Variants in CA5B observed in about 807,000 individuals in gnomAD.
The protein encoded by CA5B is carbonic anhydrase 5B, also known as carbonic anhydrase 5B, mitochondrial.
A neutral mutation model predicts 23.1 loss-of-function variants in CA5B; 15 were observed. That is an observed-to-expected ratio of 0.65 (90% CI 0.43 to 1.00). CA5B has a LOEUF of 1.00. Ranked by LOEUF, CA5B falls within the 50% of genes least tolerant of loss-of-function variation. The pLI, the probability that CA5B is intolerant of heterozygous loss-of-function variation, is 0.00. For synonymous variants in CA5B, 84 were observed against 98.5 expected (o/e 0.85, Z 0.87); for missense variants, 236 against 252.2 (o/e 0.94, Z 0.43).
chrX:15,770,104 A>G (rs922257816), intron 3 of CA5B, among the ~76,000 whole-genome samples: 1 of 111,352 alleles, frequency 9.0e-6, no homozygotes, highest in African/African-American at 3.3e-5. Flanking sequence ...ACTTGAGGTC[A>G]GGAGTTCGAG....
In CA5B at chrX:15,776,860, T is replaced by C; in HGVS notation, c.765T>C (p.Asp255=). 1.7e-6 allele frequency: 2 copies of C among 1,207,417 alleles called. No homozygotes were observed. The highest frequency in any genetic ancestry group is 2.2e-6 in the Non-Finnish European group (2 of 891,849). Residue 255 remains aspartate, a synonymous_variant, in exon 7 of 8, where the codon GAT becomes GAC. Transcript: ENST00000318636. ...TTAAGAAGCAACCAGTAGAGGTTGATCATGATCAGGTATGTTCTCTCCATA... is the reference window on the plus strand; with the variant it reads ...TTAAGAAGCAACCAGTAGAGGTTGACCATGATCAGGTATGTTCTCTCCATA... ...WIIKKQPVEV[D]HDQLEQFRTL...
rs144452589 is a variant in CA5B at position 15,772,957 on chromosome X, A to G, written c.459+343A>G. Among the ~76,000 whole-genome samples the G allele has an allele frequency of 4.1e-3, 456 of 111,696 alleles. 4 individuals are homozygous for G. The highest frequency in any genetic ancestry group is 0.014 in the African/African-American group (443 of 30,749). ...GGGAGCCTAAATGAAGGCTGTGGCA[A>G]TAGAAATAGAGAAAAAGGGCAAGAT... On this transcript the variant is annotated intron_variant, in intron 4 of 7. Coordinates refer to ENST00000318636, the MANE Select transcript of CA5B (RefSeq NM_007220.4).
chrX:15,743,993 C>T (rs909838753), intron 1 of CA5B, among the ~76,000 whole-genome samples: 7 of 111,782 alleles, frequency 6.3e-5, no homozygotes, highest in Non-Finnish European at 1.1e-4. Flanking sequence ...ACTTTTGGAC[C>T]ACTACAAGCA....
intron 2 of CA5B, among the ~76,000 whole-genome samples, chrX:15,764,264 A>T (rs776293141): frequency 1.2e-3 from 128 of 105,635 alleles, no homozygotes; most frequent in African/African-American, 4.4e-3. Flanking sequence ...TTCTTTTGAG[A>T]CATGGTTTGG....
intron 5 of CA5B, among the ~76,000 whole-genome samples, chrX:15,774,727 G>A (rs1420941854): frequency 1.5e-4 from 17 of 111,412 alleles, no homozygotes; most frequent in African/African-American, 4.2e-4. Context: ...CTAGCTACTC[G>A]GGAGGCTGAG....
intron 4 of CA5B, 150 bp downstream of exon 4, chrX:15,772,764 G>A (rs949303955): frequency 1.1e-5 from 4 of 375,388 alleles, no homozygotes; most frequent in South Asian, 7.1e-5. Flanking sequence ...GCTAAGACAT[G>A]TAAAAATGTT....
In CA5B at chrX:15,780,196, A is replaced by T. The variant is rs766291458; in HGVS notation, c.775-2289A>T. ...TCCTTATGGTCTTTTATCTATATAA[A>T]TATACACAATTTTTGTATGAAAATG... On this transcript the variant is annotated intron_variant, in intron 7 of 7. Coordinates refer to ENST00000318636, the MANE Select transcript of CA5B (RefSeq NM_007220.4). 3.8e-3 allele frequency among the ~76,000 whole-genome samples: 425 copies of T among 111,031 alleles called. 3 individuals carry two copies. Among genetic ancestry groups the T allele is most frequent in the African/African-American group, 0.013 (413 of 30,636 alleles).
Position 15,754,885 on chromosome X carries a change from T to TAACC in CA5B, c.142+4721_142+4724dup, listed in dbSNP as rs1427406069. 3.6e-5 allele frequency among the ~76,000 whole-genome samples: 4 copies of TAACC among 112,463 alleles called. No homozygotes were observed. In the Admixed American group the frequency reaches 3.8e-4, roughly 11 times the overall value. On this transcript the variant is annotated intron_variant, in intron 2 of 7. Coordinates refer to ENST00000318636, the MANE Select transcript of CA5B (RefSeq NM_007220.4). ...CCAGCAGTGTATAAAATGCAGCCAC[T>TAACC]AACCCCATGTGGGTATTTACATGTA...
Position 15,750,057 on chromosome X carries a change from C to T in CA5B, c.34C>T (p.Gln12Ter). Residue 12 changes from glutamine (Q) to a stop codon, truncating the protein, a stop_gained, in exon 2 of 8, where the codon CAA (glutamine) becomes TAA (stop). Coordinates refer to ENST00000318636, the MANE Select transcript of CA5B (RefSeq NM_007220.4). LOFTEE classifies it high-confidence loss of function. Reference protein sequence around the residue: ...VVMNSLRVILQASPGKLLWRK... With the variant: ...VVMNSLRVIL Reference sequence around the variant, plus strand: ...GATGAACAGCCTGAGGGTCATTCTTCAAGCCTCTCCAGGCAAATTGCTGTG... The same window carrying T: ...GATGAACAGCCTGAGGGTCATTCTTTAAGCCTCTCCAGGCAAATTGCTGTG... 1 of 1,209,701 alleles carries T rather than the reference C, an allele frequency of 8.3e-7. No individual in the cohort carries two copies. The highest frequency in any genetic ancestry group is 1.1e-6 in the Non-Finnish European group (1 of 893,575).
chrX:15,780,496 A>T (rs1171853656), intron 7 of CA5B, among the ~76,000 whole-genome samples: 1 of 110,126 alleles, frequency 9.1e-6, no homozygotes, highest in Non-Finnish European at 1.9e-5. Flanking sequence ...CTGGTCTCGA[A>T]CTCCTGACCT....
In CA5B at chrX:15,788,391, A is replaced by G. The variant is rs913141067; in HGVS notation, c.*5727A>G. 1.8e-5 allele frequency: 2 copies of G among 111,948 alleles called. No homozygotes were observed. 9.2% of individuals were successfully genotyped at this position (111,948 alleles called of 1,213,427 possible). On this transcript the variant is annotated 3_prime_UTR_variant, in exon 8 of 8. Transcript: ENST00000318636. ...GCTTATCTTACTCAGTTTTCACAAT[A>G]AAAGGGTTATGAGATGGGAACTATT...
At chrX:15,769,020 G>T (rs961407478) in intron 3 of CA5B, among the ~76,000 whole-genome samples, 6 of 111,236 alleles carry the variant, frequency 5.4e-5, no homozygotes, top group African/African-American at 2.0e-4. Context: ...CAATAGAGAA[G>T]AACTTTCTCA....
In CA5B at chrX:15,765,729, A is replaced by ATT. The variant is rs1569278449; in HGVS notation, c.340+954_340+955insTT. Among the ~76,000 whole-genome samples, 4 of 110,087 alleles carry ATT rather than the reference A, an allele frequency of 3.6e-5. No individual in the cohort carries two copies. In the Admixed American group the frequency reaches 4.0e-4, roughly 11 times the overall value. On this transcript the variant is annotated intron_variant, in intron 3 of 7. Transcript: ENST00000318636. The stretch of plus-strand genomic sequence containing the variant: ...GTGTGTCAAAGTCAGGGATGCCACT[A>ATT]AAGATCCTGCAGTGCGCCGGATATC...
chrX:15,769,584 G>A (rs1931779627), intron 3 of CA5B: 2 of 753,501 alleles, frequency 2.7e-6, no homozygotes, highest in South Asian at 6.7e-5. Context: ...ACTTCTTTGC[G>A]GCAGTGCCAG....
chrX:15,786,200 C>T lies in CA5B; in HGVS notation c.*3536C>T, dbSNP rs1481336773. On this transcript the variant is annotated 3_prime_UTR_variant, in exon 8 of 8. Coordinates refer to ENST00000318636, the MANE Select transcript of CA5B (RefSeq NM_007220.4). ...GTCTTGTGAAACGATAAGTCAAAAC[C>T]CTACTGCAGTGAGTTTTCCAAACTG... The T allele has an allele frequency of 8.9e-6, 1 of 112,079 alleles. No homozygotes were observed. Among genetic ancestry groups the T allele is most frequent in the African/African-American group, 3.2e-5 (1 of 30,838 alleles). The allele number at this position is 112,079 out of a possible 1,213,427, so 9.2% of individuals were successfully genotyped here.
intron 3 of CA5B, 100 bp from the exon 4 acceptor site, chrX:15,772,396 G>A: frequency 1.9e-6 from 1 of 514,965 alleles, no homozygotes; most frequent in Non-Finnish European, 3.4e-6. Flanking sequence ...ATCCATTTAA[G>A]ACAGTTCACA....
intron 7 of CA5B, among the ~76,000 whole-genome samples, chrX:15,778,277 G>A (rs1287141380): frequency 9.0e-6 from 1 of 111,505 alleles, no homozygotes; most frequent in East Asian, 2.8e-4. Flanking sequence ...TGTCATAAAT[G>A]ACAACCTAAG....
chrX:15,758,169 C>G (rs1238808073), intron 2 of CA5B, among the ~76,000 whole-genome samples: 1 of 111,966 alleles, frequency 8.9e-6, no homozygotes, highest in African/African-American at 3.3e-5. Context: ...TCTGTTTGGG[C>G]TGCTATAACA....
rs59290756 is a variant in CA5B, at chrX:15,767,897, C to CTTT, written c.340+3139_340+3141dup. Among the ~76,000 whole-genome samples, 22 of 52,260 alleles carry CTTT rather than the reference C, an allele frequency of 4.2e-4. 1 individual carries two copies. The highest frequency in any genetic ancestry group is 6.1e-4 in the African/African-American group (7 of 11,458). 45.4% of individuals were successfully genotyped at this position (52,260 alleles called of 115,157 possible). Reference sequence around the variant, plus strand: ...ACAGGTGTGAGCCACTGCACCTGGCCTTTTTTTTTTTTTTTTTTTGAGATG... The same window carrying CTTT: ...ACAGGTGTGAGCCACTGCACCTGGCCTTTTTTTTTTTTTTTTTTTTTTGAGATG... On this transcript the variant is annotated intron_variant, in intron 3 of 7. Transcript: ENST00000318636.
Sources: allele counts gnomAD v4.1 joint callset (sites outside exome capture counted in the v4.1 genomes callset), GRCh38; gene constraint gnomAD v4.1.1; transcripts MANE v1.5; gene names NCBI Gene and HGNC (gene_info 2026-07-23, HGNC 2026-07-21).